The following MYRIP variants were observed in gnomAD, a reference collection of about 807,000 sequenced individuals.
MYRIP encodes rab effector MyRIP.
A neutral mutation model predicts 98.0 loss-of-function variants in MYRIP; 49 were observed. That is an observed-to-expected ratio of 0.50 (90% CI 0.40 to 0.63). The LOEUF (loss-of-function observed/expected upper bound fraction) is 0.63, where lower values mean the gene tolerates loss of function less well. Among genes scored for constraint, MYRIP ranks in the 30% least tolerant of loss-of-function variants. MYRIP has a pLI of 0.00. For missense variants in MYRIP, 1,004 were observed against 1,058.2 expected (o/e 0.95, Z 0.71); for synonymous variants, 404 against 409.5 (o/e 0.99, Z 0.16).
intron 15 of MYRIP, 36 bp downstream of exon 15, chr3:40,250,535 T>C: frequency 6.2e-7 from 1 of 1,610,880 alleles, no homozygotes; most frequent in Non-Finnish European, 8.5e-7. Flanking sequence ...TACCAAAAAA[T>C]TAAGCCTGAA....
intron 1 of MYRIP, among the ~76,000 whole-genome samples, chr3:39,876,806 G>C: frequency 6.6e-6 from 1 of 152,004 alleles, no homozygotes; most frequent in Non-Finnish European, 1.5e-5. Context: ...TGGTGAATCT[G>C]ACAATTATGT....
chr3:40,176,438 T>G (rs995350747), intron 8 of MYRIP, among the ~76,000 whole-genome samples: 2 of 152,066 alleles, frequency 1.3e-5, no homozygotes, highest in African/African-American at 4.8e-5. Context: ...GAAGAAGACA[T>G]GAACAAACAG....
rs1188441893 is a variant in MYRIP at position 40,113,982 on chromosome 3, C to T, written c.333-37066C>T. On this transcript the variant is annotated intron_variant, in intron 3 of 16. Transcript: ENST00000302541. Reference sequence around the variant, plus strand: ...GGGATTACAGGCATGAACCACCGCACTCAGCCAAGAATTTACTTTTATAAT... The same window carrying T: ...GGGATTACAGGCATGAACCACCGCATTCAGCCAAGAATTTACTTTTATAAT... Among the ~76,000 whole-genome samples, 14 of 152,320 alleles carry T rather than the reference C, an allele frequency of 9.2e-5. No individual in the cohort carries two copies. The East Asian group carries it at 2.5e-3, about 27-fold the overall frequency.
At chr3:40,241,768 C>T (rs1953022942) in intron 12 of MYRIP, among the ~76,000 whole-genome samples, 1 of 152,168 alleles carries the variant, frequency 6.6e-6, no homozygotes, top group Non-Finnish European at 1.5e-5. Context: ...TCATAGATTA[C>T]TCAGACATGG....
intron 4 of MYRIP, among the ~76,000 whole-genome samples, chr3:40,155,344 G>A (rs1950206680): frequency 6.7e-6 from 1 of 150,224 alleles, no homozygotes; most frequent in Non-Finnish European, 1.5e-5. Context: ...TGGCTGCATA[G>A]TATTCCATGG....
intron 3 of MYRIP, among the ~76,000 whole-genome samples, chr3:40,138,876 A>G (rs1236159338): frequency 1.3e-5 from 2 of 152,132 alleles, no homozygotes; most frequent in Non-Finnish European, 2.9e-5. Context: ...ATTATTGTTA[A>G]CTATAGTCAT....
At chr3:39,848,214 A>T (rs190183016) in intron 1 of MYRIP, among the ~76,000 whole-genome samples, 1 of 152,330 alleles carries the variant, frequency 6.6e-6, no homozygotes, top group Non-Finnish European at 1.5e-5. Context: ...AGCATCATTT[A>T]AATGTTTCCT....
chr3:39,955,782 C>T (rs1176821677), intron 2 of MYRIP, among the ~76,000 whole-genome samples: 1 of 152,082 alleles, frequency 6.6e-6, no homozygotes, highest in African/African-American at 2.4e-5. Context: ...TCAGGAAACC[C>T]ATCTCACATG....
Position 40,198,514 on chromosome 3 carries a change from C to T in MYRIP, c.1665+8051C>T, listed in dbSNP as rs557753717. Among the ~76,000 whole-genome samples, 13 of 152,274 alleles carry T rather than the reference C, an allele frequency of 8.5e-5. No homozygotes were observed. In the South Asian group the frequency reaches 2.1e-3, roughly 24 times the overall value. ...TCATTTACTGGCAACAAACAGACTT[C>T]GATTGCCTTTTAGTGTTGTGGGTTT... is the stretch of plus-strand genomic sequence containing the variant. On this transcript the variant is annotated intron_variant, in intron 10 of 16. Coordinates refer to ENST00000302541, the MANE Select transcript of MYRIP (RefSeq NM_015460.4).
intron 3 of MYRIP, among the ~76,000 whole-genome samples, chr3:40,148,298 A>T (rs1364995274): frequency 6.6e-6 from 1 of 152,124 alleles, no homozygotes; most frequent in Non-Finnish European, 1.5e-5. Flanking sequence ...TGTTTAGGCA[A>T]TTGGTAGGCC....
At chr3:40,017,722 G>T (rs1431623560) in intron 2 of MYRIP, among the ~76,000 whole-genome samples, 1 of 136,392 alleles carries the variant, frequency 7.3e-6, no homozygotes, top group Non-Finnish European at 1.5e-5. Flanking sequence ...TTTGTCTGAA[G>T]GTGAGCAGTA....
intron 13 of MYRIP, among the ~76,000 whole-genome samples, chr3:40,245,203 C>G (rs1270465520): frequency 6.6e-6 from 1 of 152,326 alleles, no homozygotes; most frequent in East Asian, 1.9e-4. Flanking sequence ...GACATAGTCT[C>G]TATAACTTTG....
intron 2 of MYRIP, among the ~76,000 whole-genome samples, chr3:39,996,663 C>G (rs923379142): frequency 2.0e-5 from 3 of 152,190 alleles, no homozygotes; most frequent in Admixed American, 2.0e-4. Flanking sequence ...GAACTGAACT[C>G]AGCTCTGCAC....
At chr3:39,844,785 G>T (rs769983350) in intron 1 of MYRIP, among the ~76,000 whole-genome samples, 4 of 152,124 alleles carry the variant, frequency 2.6e-5, no homozygotes, top group Non-Finnish European at 2.9e-5. Context: ...AGCATTTGTG[G>T]TACTTCTACA....
At chr3:39,995,207 G>C (rs1946310733) in intron 2 of MYRIP, among the ~76,000 whole-genome samples, 1 of 152,200 alleles carries the variant, frequency 6.6e-6, no homozygotes, top group Non-Finnish European at 1.5e-5. Context: ...GACAAGTTGA[G>C]AGAAGAAGGC....
At chr3:40,060,614 A>AGAGAGAGAGAGAGAGAGAGAGAGG (rs894059877) in intron 3 of MYRIP, among the ~76,000 whole-genome samples, 3 of 151,372 alleles carry the variant, frequency 2.0e-5, no homozygotes, top group African/African-American at 7.3e-5. Flanking sequence ...AGAGAGAGAG[A>AGAGAGAGAGAGAGAGAGAGAGAGG]GAGATTCGCT....
chr3:40,078,794 C>T (rs1015757010), intron 3 of MYRIP, among the ~76,000 whole-genome samples: 21 of 152,178 alleles, frequency 1.4e-4, no homozygotes, highest in African/African-American at 5.1e-4. Context: ...GGCTTGTGCT[C>T]TGGAGAAAAG....
chr3:40,123,686 G>A (rs1443742672), intron 3 of MYRIP, among the ~76,000 whole-genome samples: 1 of 152,186 alleles, frequency 6.6e-6, no homozygotes, highest in Non-Finnish European at 1.5e-5. Flanking sequence ...ATCCCTCAAG[G>A]CTCAGCAAAG....
At chr3:40,201,068 C>T (rs952861576) in intron 10 of MYRIP, among the ~76,000 whole-genome samples, 7 of 152,250 alleles carry the variant, frequency 4.6e-5, no homozygotes, top group South Asian at 4.1e-4. Context: ...ATTATTGGAA[C>T]GCTAAGCATG....
Sources: gnomAD v4.1 joint callset for allele counts (sites outside exome capture counted in the v4.1 genomes callset) on GRCh38, gnomAD v4.1.1 for gene constraint, MANE v1.5 for transcripts, NCBI Gene and HGNC (gene_info 2026-07-23, HGNC 2026-07-21) for gene names.